PTPRN2: variants seen among roughly 807,000 people sequenced by gnomAD.
PTPRN2 encodes the protein receptor-type tyrosine-protein phosphatase N2.
Under a neutral mutation model 118.8 loss-of-function variants are expected in PTPRN2, and 74 were observed. That is an observed-to-expected ratio of 0.62 (90% CI 0.52 to 0.76). The LOEUF (loss-of-function observed/expected upper bound fraction) is 0.76. PTPRN2 is among the 30% of genes least tolerant of loss of function. The pLI is 0.00. For missense variants in PTPRN2, 1,481 were observed against 1,394.4 expected, an observed-to-expected ratio of 1.06 and a Z score of -0.99; for synonymous variants, 641 against 608.0, an observed-to-expected ratio of 1.05 and a Z score of -0.80.
At chr7:158,393,158 G>A (rs1044497123) in intron 2 of PTPRN2, among the ~76,000 whole-genome samples, 3 of 152,134 alleles carry the variant, frequency 2.0e-5, no homozygotes, top group African/African-American at 7.2e-5. Context: ...AACGGGAGCT[G>A]GAAACCATCC....
chr7:157,802,262 C>A (rs1371936574), intron 12 of PTPRN2, among the ~76,000 whole-genome samples: 1 of 152,254 alleles, frequency 6.6e-6, no homozygotes, highest in Non-Finnish European at 1.5e-5. Context: ...CCAGACCCGG[C>A]AGCCTCCATC....
intron 11 of PTPRN2, among the ~76,000 whole-genome samples, chr7:158,077,354 C>G (rs559284846): frequency 6.6e-6 from 1 of 152,206 alleles, no homozygotes; most frequent in African/African-American, 2.4e-5. Context: ...GGAAAGTCAC[C>G]GTACCTCTGA....
intron 1 of PTPRN2, among the ~76,000 whole-genome samples, chr7:158,524,610 T>C (rs1233857999): frequency 6.6e-6 from 1 of 152,112 alleles, no homozygotes; most frequent in East Asian, 1.9e-4. Flanking sequence ...TTGGTTGTTA[T>C]GGTCAAGCCC....
rs568479107 is a variant in PTPRN2, at chr7:157,779,179, G to C, written c.1789-96242C>G. Among the ~76,000 whole-genome samples the C allele has an allele frequency of 1.3e-5, 2 of 152,172 alleles. No individual in the cohort carries two copies. The highest frequency in any genetic ancestry group is 2.9e-5 in the Non-Finnish European group (2 of 68,020). Reference sequence around the variant, plus strand: ...CATATAGAGGTAGTAGCGCTACATTGAGGATGCTGGACACGGCTTATCTCC... The same window carrying C: ...CATATAGAGGTAGTAGCGCTACATTCAGGATGCTGGACACGGCTTATCTCC... On this transcript the variant is annotated intron_variant, in intron 12 of 22. Transcript: ENST00000389418. The surrounding 1 kb of genome is among the most constrained non-coding windows in gnomAD (Gnocchi z 4.7).
chr7:157,578,226 C>A, intron 17 of PTPRN2, 86 bp from the exon 18 acceptor site: 1 of 1,406,634 alleles, frequency 7.1e-7, no homozygotes, highest in Non-Finnish European at 9.5e-7. Flanking sequence ...AAGCACAGTC[C>A]AAATTTATTC....
At chr7:158,375,521 TCA>T (rs1810434145) in intron 2 of PTPRN2, among the ~76,000 whole-genome samples, 1 of 152,198 alleles carries the variant, frequency 6.6e-6, no homozygotes, top group Admixed American at 6.5e-5. Flanking sequence ...GAGAAAAGCA[TCA>T]CTGATATGGG....
rs1395229921 is a variant in PTPRN2 at position 157,881,154 on chromosome 7, A to AG, written c.1788+17518dup. Among the ~76,000 whole-genome samples, 1 of 143,874 alleles carries AG rather than the reference A, an allele frequency of 7.0e-6. No individual in the cohort carries two copies. Among genetic ancestry groups the AG allele is most frequent in the Non-Finnish European group, 1.5e-5 (1 of 66,716 alleles). The allele number at this position is 143,874 out of a possible 152,430, so 94.4% of individuals were successfully genotyped here. On this transcript the variant is annotated intron_variant, in intron 12 of 22. Coordinates refer to ENST00000389418, the MANE Select transcript of PTPRN2 (RefSeq NM_002847.5). The surrounding 1 kb of genome is among the most constrained non-coding windows in gnomAD (Gnocchi z 4.7). ...AAGTCATGAGGGTATGTGGAGATGG[A>AG]GGTGTTTACAGGAATCATTACGGTA...
At chr7:158,171,352 C>CAA (rs1823689773) in intron 5 of PTPRN2, among the ~76,000 whole-genome samples, 1 of 113,406 alleles carries the variant, frequency 8.8e-6, no homozygotes, top group East Asian at 2.7e-4. Flanking sequence ...TATATATACA[C>CAA]ACACACATTT....
At chr7:157,932,455 C>G (rs1309472293) in intron 11 of PTPRN2, among the ~76,000 whole-genome samples, 1 of 151,996 alleles carries the variant, frequency 6.6e-6, no homozygotes, top group African/African-American at 2.4e-5. Context: ...CTTTGATTGA[C>G]AGTTTCAGAT....
chr7:157,857,574 C>T (rs923385257), intron 12 of PTPRN2: 2 of 152,262 alleles, frequency 1.3e-5, no homozygotes, highest in African/African-American at 4.8e-5. Context: ...CCACCAGTGG[C>T]CACCGGGGAG....
chr7:158,146,408 C>A (rs561821029), intron 6 of PTPRN2, among the ~76,000 whole-genome samples: 4 of 152,084 alleles, frequency 2.6e-5, no homozygotes, highest in African/African-American at 9.7e-5. Context: ...GTGATCAAAG[C>A]CTGGGAACAA....
Position 158,117,508 on chromosome 7 carries a change from T to C in PTPRN2, c.1557-6593A>G, listed in dbSNP as rs373181335. Among the ~76,000 whole-genome samples the C allele has an allele frequency of 2.4e-3, 371 of 152,288 alleles. 1 individual carries two copies. The highest frequency in any genetic ancestry group is 4.6e-3 in the Non-Finnish European group (316 of 68,014). ...AGAGATAAAGGGGCAGAGAAAATAC[T>C]TGAAGAACAATACCTGAAAACTTCC... On this transcript the variant is annotated intron_variant, in intron 9 of 22. Transcript: ENST00000389418.
intron 13 of PTPRN2, among the ~76,000 whole-genome samples, chr7:157,661,182 C>T (rs150528420): frequency 6.6e-6 from 1 of 152,284 alleles, no homozygotes; most frequent in African/African-American, 2.4e-5. Context: ...CGGGGACCCG[C>T]GGCTCTCACC....
chr7:158,193,554 C>A (rs1563585603), intron 4 of PTPRN2, among the ~76,000 whole-genome samples: 2 of 152,092 alleles, frequency 1.3e-5, no homozygotes, highest in Non-Finnish European at 2.9e-5. Flanking sequence ...GCCCCCTGAG[C>A]CTGCGCCCTG....
intron 3 of PTPRN2, among the ~76,000 whole-genome samples, chr7:158,269,951 CAG>C (rs1176865687): frequency 6.6e-6 from 1 of 152,040 alleles, no homozygotes; most frequent in Admixed American, 6.5e-5. Context: ...CACAGGGAGA[CAG>C]AGAGAAAGAA....
intron 11 of PTPRN2, among the ~76,000 whole-genome samples, chr7:157,915,990 AG>A (rs762127430): frequency 2.3e-4 from 35 of 152,228 alleles, no homozygotes; most frequent in Non-Finnish European, 3.8e-4. Flanking sequence ...ATTTTAATTC[AG>A]GTTTGGGCAA....
intron 2 of PTPRN2, among the ~76,000 whole-genome samples, chr7:158,481,772 T>A (rs917592937): frequency 1.1e-4 from 16 of 152,334 alleles, no homozygotes; most frequent in African/African-American, 3.6e-4. Context: ...AAGACTTATA[T>A]TTTAGAAACA....
intron 17 of PTPRN2, among the ~76,000 whole-genome samples, chr7:157,589,216 C>T (rs1036769756): frequency 1.3e-5 from 2 of 152,202 alleles, no homozygotes; most frequent in Non-Finnish European, 2.9e-5. Flanking sequence ...ATGGGAGGCT[C>T]ACGATGGCTT....
chr7:157,631,867 C>T (rs1803984048), intron 14 of PTPRN2, among the ~76,000 whole-genome samples: 2 of 152,020 alleles, frequency 1.3e-5, no homozygotes, highest in Admixed American at 1.3e-4. Context: ...TAAGAATGCC[C>T]TTCAGATAAG....
Sources: allele counts gnomAD v4.1 joint callset (sites outside exome capture counted in the v4.1 genomes callset), GRCh38; gene constraint gnomAD v4.1.1; non-coding constraint Gnocchi (gnomAD v3.1); transcripts MANE v1.5; gene names NCBI Gene and HGNC (gene_info 2026-07-23, HGNC 2026-07-21).